Variants in HAVCR2 observed in about 807,000 individuals in gnomAD.
HAVCR2 encodes T cell immunoglobulin mucin 3.
HAVCR2 carries 13 observed loss-of-function variants against 24.7 expected under a neutral mutation model. The observed-to-expected ratio is 0.53, with a 90% CI of 0.34 to 0.84. The LOEUF is 0.84. Ranked by LOEUF, HAVCR2 falls within the 40% of genes least tolerant of loss-of-function variation. The pLI is 0.01. For missense variants in HAVCR2, 343 were observed against 371.2 expected (o/e 0.92, Z 0.62); for synonymous variants, 154 against 143.4 (o/e 1.07, Z -0.53).
chr5:157,088,880 A>T, intron 6 of HAVCR2, 61 bp downstream of exon 6: 1 of 1,371,236 alleles, frequency 7.3e-7, no homozygotes, highest in Non-Finnish European at 1.0e-6. Flanking sequence ...AAGATCAGAC[A>T]TGTTAGAGTA....
intron 4 of HAVCR2, among the ~76,000 whole-genome samples, chr5:157,097,703 G>A (rs572960688): frequency 6.6e-6 from 1 of 152,192 alleles, no homozygotes; most frequent in East Asian, 2.0e-4. Flanking sequence ...GGATTCAAGC[G>A]ATTCTCCTGT....
At chr5:157,097,411 T>C (rs1757108308) in intron 4 of HAVCR2, among the ~76,000 whole-genome samples, 1 of 151,928 alleles carries the variant, frequency 6.6e-6, no homozygotes, top group African/African-American at 2.4e-5. Flanking sequence ...TGCAGCACCA[T>C]GCCTGGCCAA....
intron 3 of HAVCR2, 24 bp downstream of exon 3, chr5:157,104,642 C>A (rs778846529): frequency 3.9e-6 from 6 of 1,528,052 alleles, no homozygotes; most frequent in East Asian, 2.3e-5. Flanking sequence ...TAAAGATTCC[C>A]TCCTCTGCCC....
At chr5:157,093,246 G>A (rs934174811) in intron 5 of HAVCR2, among the ~76,000 whole-genome samples, 2 of 151,938 alleles carry the variant, frequency 1.3e-5, no homozygotes, top group African/African-American at 4.8e-5. Flanking sequence ...TAAAGATGAG[G>A]AGCAGGACAG....
At chr5:157,087,877 T>G (rs1036717358) in intron 6 of HAVCR2, among the ~76,000 whole-genome samples, 6 of 145,430 alleles carry the variant, frequency 4.1e-5, no homozygotes, top group Non-Finnish European at 8.9e-5. Flanking sequence ...CACTCCAGCC[T>G]GGGTGACAGA....
At chr5:157,095,613 C>T (rs973118781) in intron 4 of HAVCR2, among the ~76,000 whole-genome samples, 154 bp from the exon 5 acceptor site, 6 of 151,414 alleles carry the variant, frequency 4.0e-5, no homozygotes, top group Non-Finnish European at 8.8e-5. Context: ...GTAGCCAACA[C>T]TCAAGCCAAC....
At chr5:157,095,149 T>A (rs1757075986) in intron 5 of HAVCR2, among the ~76,000 whole-genome samples, 157 bp downstream of exon 5, 1 of 152,150 alleles carries the variant, frequency 6.6e-6, no homozygotes, top group Non-Finnish European at 1.5e-5. Context: ...AAATATTAAA[T>A]AAAAATTAGC....
In HAVCR2 at chr5:157,108,935, G is replaced by A; in HGVS notation, c.49C>T (p.Leu17=). ...FDCVLLLLLL[L]LTRSSEVEYR... is the part of the protein sequence containing the mutation. ...CCATGCCGAGACTTACTTGTAAGTA[G>A]TAGCAGCAGCAGCAGCAGGACACAG... is the stretch of plus-strand genomic sequence containing the variant. Residue 17 remains leucine, a synonymous_variant, in exon 1 of 7, where the codon CTA becomes TTA. Coordinates refer to ENST00000307851, the MANE Select transcript of HAVCR2 (RefSeq NM_032782.5). 1.2e-6 allele frequency: 2 copies of A among 1,614,102 alleles called. No individual in the cohort carries two copies. Among genetic ancestry groups the A allele is most frequent in the Non-Finnish European group, 1.7e-6 (2 of 1,179,956 alleles).
At chr5:157,090,803 C>T (rs1015113244) in intron 5 of HAVCR2, among the ~76,000 whole-genome samples, 1 of 152,144 alleles carries the variant, frequency 6.6e-6, no homozygotes, top group African/African-American at 2.4e-5. Flanking sequence ...ATAATGAAAA[C>T]ACTTTAGATG....
At chr5:157,102,887 A>G (rs1168687315) in intron 3 of HAVCR2, among the ~76,000 whole-genome samples, 1 of 144,298 alleles carries the variant, frequency 6.9e-6, no homozygotes, top group Non-Finnish European at 1.5e-5. Context: ...GTGAGCCAAG[A>G]TCGTGTCATT....
intron 1 of HAVCR2, among the ~76,000 whole-genome samples, chr5:157,107,944 T>A (rs1757275694): frequency 6.9e-6 from 1 of 144,816 alleles, no homozygotes; most frequent in African/African-American, 2.8e-5. Flanking sequence ...CAAAATCATC[T>A]TCTGAGAAAG....
chr5:157,107,273 C>T (rs1300889143), intron 1 of HAVCR2: 1 of 281,028 alleles, frequency 3.6e-6, no homozygotes, highest in African/African-American at 2.2e-5. Flanking sequence ...CAGAACCTCA[C>T]TTTCAGAAAC....
intron 4 of HAVCR2, among the ~76,000 whole-genome samples, chr5:157,098,489 C>G (rs1376151559): frequency 6.6e-6 from 1 of 151,910 alleles, no homozygotes; most frequent in Non-Finnish European, 1.5e-5. Context: ...TTTAAATACT[C>G]TTTCCCATTA....
chr5:157,097,162 C>G (rs528234398), intron 4 of HAVCR2, among the ~76,000 whole-genome samples: 1 of 151,484 alleles, frequency 6.6e-6, no homozygotes, highest in African/African-American at 2.4e-5. Flanking sequence ...AGAGAAGGAG[C>G]AAATACAAGA....
At position 157,106,968 on chromosome 5, in the gene HAVCR2, T is replaced by G; in HGVS notation, c.59-6A>C. On this transcript the variant is annotated splice_polypyrimidine_tract_variant and splice_region_variant and intron_variant, in intron 1 of 6. Transcript: ENST00000307851. ...GTATTCCACTTCTGAGGACCCTGCA[T>G]AGAGAGAGAAGGAGAGCCAAGACTC... 7 of 1,602,192 alleles carry G rather than the reference T, an allele frequency of 4.4e-6. No individual in the cohort carries two copies. Among genetic ancestry groups the G allele is most frequent in the Non-Finnish European group, 6.0e-6 (7 of 1,172,822 alleles).
At chr5:157,096,066 A>T (rs536712334) in intron 4 of HAVCR2, among the ~76,000 whole-genome samples, 1 of 152,030 alleles carries the variant, frequency 6.6e-6, no homozygotes, top group South Asian at 2.1e-4. Flanking sequence ...TCTCTACTAA[A>T]AATACAAAAC....
At chr5:157,096,132 A>G (rs1286610559) in intron 4 of HAVCR2, among the ~76,000 whole-genome samples, 1 of 150,218 alleles carries the variant, frequency 6.7e-6, no homozygotes, top group Admixed American at 6.7e-5. Flanking sequence ...AGGCTGAGGC[A>G]GGAGAATCAC....
At chr5:157,104,789 A>G (rs1339592387) in intron 2 of HAVCR2, 40 bp from the exon 3 acceptor site, 2 of 1,402,562 alleles carry the variant, frequency 1.4e-6, no homozygotes, top group African/African-American at 1.4e-5. Context: ...ATTATCTGAG[A>G]GCAGAAAGCT....
At chr5:157,107,529 T>C (rs1325529269) in intron 1 of HAVCR2, among the ~76,000 whole-genome samples, 1 of 152,206 alleles carries the variant, frequency 6.6e-6, no homozygotes, top group African/African-American at 2.4e-5. Flanking sequence ...CATGGAGTTG[T>C]TTTAAGGTTT....
Sources: allele counts gnomAD v4.1 joint callset (sites outside exome capture counted in the v4.1 genomes callset), GRCh38; gene constraint gnomAD v4.1.1; transcripts MANE v1.5; gene names NCBI Gene and HGNC (gene_info 2026-07-23, HGNC 2026-07-21).